PDE3A: variants seen among roughly 807,000 people sequenced by gnomAD.
PDE3A encodes the protein phosphodiesterase 3A.
Under a neutral mutation model 98.3 loss-of-function variants are expected in PDE3A, and 43 were observed. That is an observed-to-expected ratio of 0.44 (90% CI 0.34 to 0.56). PDE3A has a LOEUF of 0.56. PDE3A is among the 20% of genes least tolerant of loss of function. The pLI, the probability that PDE3A is intolerant of heterozygous loss-of-function variation, is 0.01. For synonymous variants in PDE3A, 663 were observed against 567.9 expected, an observed-to-expected ratio of 1.17 and a Z score of -2.38; for missense variants, 1,427 against 1,440.7, an observed-to-expected ratio of 0.99 and a Z score of 0.15.
intron 1 of PDE3A, among the ~76,000 whole-genome samples, chr12:20,533,478 CTTT>C (rs10707682): frequency 1.2e-4 from 15 of 124,620 alleles, no homozygotes; most frequent in Non-Finnish European, 1.4e-4. Flanking sequence ...GTTTCTTTTT[CTTT>C]TTTTTTTTTT....
intron 1 of PDE3A, among the ~76,000 whole-genome samples, chr12:20,513,129 G>A (rs950297380): frequency 2.6e-5 from 4 of 151,870 alleles, no homozygotes; most frequent in Admixed American, 1.3e-4. Context: ...TCAGTCTTTC[G>A]TGTTTTACAT....
In PDE3A at chr12:20,540,876, G is replaced by A. The variant is rs189953622; in HGVS notation, c.961-15784G>A. On this transcript the variant is annotated intron_variant, in intron 1 of 15. Coordinates refer to ENST00000359062, the MANE Select transcript of PDE3A (RefSeq NM_000921.5). ...CAATCAATGGTGAAACATGTTTTAC[G>A]GTAAAACATTTAATACTCCAAATTG... 7.0e-4 allele frequency among the ~76,000 whole-genome samples: 106 copies of A among 151,686 alleles called. 2 individuals are homozygous for A. The East Asian group carries it at 0.016, about 23-fold the overall frequency.
intron 2 of PDE3A, among the ~76,000 whole-genome samples, chr12:20,610,505 G>A (rs1028531443): frequency 2.1e-4 from 32 of 151,844 alleles, no homozygotes; most frequent in Non-Finnish European, 4.6e-4. Flanking sequence ...TAAGAAAATT[G>A]AAAATAGAAC....
intron 1 of PDE3A, among the ~76,000 whole-genome samples, chr12:20,516,807 G>A (rs1946331266): frequency 6.6e-6 from 1 of 152,086 alleles, no homozygotes; most frequent in Non-Finnish European, 1.5e-5. Flanking sequence ...GAGACCAGCA[G>A]GAATTGTAAT....
rs773971834 is a variant in PDE3A, at chr12:20,613,493, C to T, written c.1062C>T (p.His354=). The change falls in exon 3 of 16, where the codon CAC becomes CAT. Residue 354 remains histidine (H), a synonymous_variant. Transcript: ENST00000359062. ...TVDIAVMGEA[H]GLITDLLADP... The stretch of plus-strand genomic sequence containing the variant: ...ACATCGCCGTCATGGGCGAGGCCCA[C>T]GGCCTCATTACCGACCTCCTGGCAG... The T allele has an allele frequency of 8.1e-6, 13 of 1,613,128 alleles. No individual in the cohort carries two copies. Among genetic ancestry groups the T allele is most frequent in the African/African-American group, 8.0e-5 (6 of 74,940 alleles).
At chr12:20,439,883 C>G (rs943344321) in intron 1 of PDE3A, among the ~76,000 whole-genome samples, 1 of 152,060 alleles carries the variant, frequency 6.6e-6, no homozygotes, top group Admixed American at 6.6e-5. Flanking sequence ...CTAGCACTAT[C>G]TAGTAGAGCT....
chr12:20,657,188 G>T (rs12300550), intron 15 of PDE3A, among the ~76,000 whole-genome samples: 10,334 of 152,186 alleles, frequency 0.068, 693 homozygotes, highest in Middle Eastern at 0.18. Flanking sequence ...TAGAGTAACA[G>T]AATTTTAGAA....
intron 5 of PDE3A, among the ~76,000 whole-genome samples, chr12:20,622,963 C>T (rs1383298878): frequency 6.6e-6 from 1 of 151,908 alleles, no homozygotes; most frequent in Non-Finnish European, 1.5e-5. Context: ...ATATAACTTT[C>T]TAGATCTGTA....
intron 1 of PDE3A, among the ~76,000 whole-genome samples, chr12:20,531,398 A>G (rs1472087908): frequency 6.6e-6 from 1 of 152,158 alleles, no homozygotes; most frequent in Admixed American, 6.5e-5. Context: ...ACTTGACCAT[A>G]TTAAATTTAC....
chr12:20,680,359 A>G lies in PDE3A; in HGVS notation c.*88A>G. 7.5e-7 allele frequency: 1 copy of G among 1,326,822 alleles called. No individual in the cohort carries two copies. Among genetic ancestry groups the G allele is most frequent in the Non-Finnish European group, 1.0e-6 (1 of 966,758 alleles). 82.2% of individuals were successfully genotyped at this position (1,326,822 alleles called of 1,614,324 possible). A position where few individuals can be genotyped will look rare whatever the true frequency, so the allele number is the denominator to read the frequency against. ...GCACAACATTTAGACACAACACTGT[A>G]GAAATTTGAGATGGGCAAATGGCTA... On this transcript the variant is annotated 3_prime_UTR_variant, in exon 16 of 16. Transcript: ENST00000359062.
intron 1 of PDE3A, among the ~76,000 whole-genome samples, chr12:20,371,037 A>G (rs1943464097): frequency 1.3e-5 from 2 of 152,224 alleles, no homozygotes; most frequent in Non-Finnish European, 2.9e-5. Flanking sequence ...ATTCAAATGG[A>G]TTTATGCAGA....
Position 20,646,828 on chromosome 12 carries a change from G to A in PDE3A, c.2443G>A (p.Gly815Arg), listed in dbSNP as rs759348350. ...GTATAATGTGACAGATGATAAATAC[G>A]GATGTCTGTCTGGGAATATCCCTGC... ...KTYNVTDDKY[G>R]CLSGNIPALE... Residue 815 changes from glycine to arginine, a missense_variant, in exon 12 of 16, where the codon GGA (glycine) becomes AGA (arginine). Gly to Arg is a moderately radical substitution (Grantham distance 125, BLOSUM62 -2). Transcript: ENST00000359062. 9.9e-6 allele frequency: 16 copies of A among 1,610,500 alleles called. No individual in the cohort carries two copies. The highest frequency in any genetic ancestry group is 1.4e-5 in the Non-Finnish European group (16 of 1,176,782).
chr12:20,371,371 G>T, intron 1 of PDE3A: 2 of 985,068 alleles, frequency 2.0e-6, no homozygotes, highest in Non-Finnish European at 2.4e-6. Flanking sequence ...AGGAGGAGCT[G>T]GTTGGATACA....
intron 1 of PDE3A, among the ~76,000 whole-genome samples, chr12:20,463,524 A>G (rs1945288911): frequency 6.6e-6 from 1 of 152,168 alleles, no homozygotes; most frequent in Non-Finnish European, 1.5e-5. Flanking sequence ...ATTTATTCCT[A>G]GATGAAGAAT....
chr12:20,605,829 G>A (rs145228199), intron 2 of PDE3A, among the ~76,000 whole-genome samples: 192 of 152,252 alleles, frequency 1.3e-3, no homozygotes, highest in African/African-American at 4.4e-3. Flanking sequence ...GAGGCTTTTG[G>A]TGCTGCTTCT....
At chr12:20,507,649 C>T (rs1320992480) in intron 1 of PDE3A, among the ~76,000 whole-genome samples, 2 of 152,092 alleles carry the variant, frequency 1.3e-5, no homozygotes, top group Non-Finnish European at 2.9e-5. Context: ...TCCATCCTTT[C>T]TAACAGCTGA....
At chr12:20,387,018 G>C (rs1374115244) in intron 1 of PDE3A, among the ~76,000 whole-genome samples, 1 of 151,970 alleles carries the variant, frequency 6.6e-6, no homozygotes, top group African/African-American at 2.4e-5. Context: ...AGGACCATGT[G>C]TTAAATAGGG....
rs184153840 is a variant in PDE3A, at chr12:20,457,854, G to T, written c.960+87610G>T. ...AATTAATTAACGTGTCACATAGATTGCCATTTAGAAAGGTTATTTCCCTAA... is the reference window on the plus strand; with the variant it reads ...AATTAATTAACGTGTCACATAGATTTCCATTTAGAAAGGTTATTTCCCTAA... On this transcript the variant is annotated intron_variant, in intron 1 of 15. Coordinates refer to ENST00000359062, the MANE Select transcript of PDE3A (RefSeq NM_000921.5). 4.6e-5 allele frequency among the ~76,000 whole-genome samples: 7 copies of T among 152,044 alleles called. No individual in the cohort carries two copies. The East Asian group carries it at 1.2e-3, about 25-fold the overall frequency.
At chr12:20,606,607 C>G (rs963816047) in intron 2 of PDE3A, among the ~76,000 whole-genome samples, 2 of 151,300 alleles carry the variant, frequency 1.3e-5, no homozygotes, top group Non-Finnish European at 2.9e-5. Flanking sequence ...GCTTATAATC[C>G]CAGGACTTTG....
Sources: allele counts gnomAD v4.1 joint callset (sites outside exome capture counted in the v4.1 genomes callset), GRCh38; gene constraint gnomAD v4.1.1; transcripts MANE v1.5; gene names NCBI Gene and HGNC (gene_info 2026-07-23, HGNC 2026-07-21).